LDB2: variants seen among roughly 807,000 people sequenced by gnomAD.
LDB2 encodes the protein LIM domain binding 2, also known as LIM domain-binding protein 2.
LDB2 carries 12 observed loss-of-function variants against 44.3 expected under a neutral mutation model. That is an observed-to-expected ratio of 0.27 (90% CI 0.17 to 0.44). The LOEUF is 0.44. Ranked by LOEUF, LDB2 falls within the 20% of genes least tolerant of loss-of-function variation. The pLI, the probability that LDB2 is intolerant of heterozygous loss-of-function variation, is 1.00. For synonymous variants in LDB2, 164 were observed against 174.8 expected (o/e 0.94, Z 0.49); for missense variants, 344 against 473.5 (o/e 0.73, Z 2.54).
At chr4:16,697,466 A>G (rs1560916708) in intron 2 of LDB2, among the ~76,000 whole-genome samples, 2 of 151,828 alleles carry the variant, frequency 1.3e-5, no homozygotes, top group Non-Finnish European at 2.9e-5. Context: ...CGTCCCAAAA[A>G]AAAAAACAAC....
chr4:16,596,077 A>G, intron 2 of LDB2, among the ~76,000 whole-genome samples: 1 of 152,164 alleles, frequency 6.6e-6, no homozygotes, highest in East Asian at 1.9e-4. Context: ...TTCAGGAAAA[A>G]TGCGTCCAGT....
chr4:16,817,261 T>A (rs1329275818), intron 1 of LDB2, among the ~76,000 whole-genome samples: 1 of 152,216 alleles, frequency 6.6e-6, no homozygotes, highest in African/African-American at 2.4e-5. Context: ...TCCTACTCTC[T>A]CCTGATAGAG....
chr4:16,652,305 G>A (rs766061765), intron 2 of LDB2, among the ~76,000 whole-genome samples: 1 of 152,026 alleles, frequency 6.6e-6, no homozygotes, highest in Non-Finnish European at 1.5e-5. Flanking sequence ...GGATACATAC[G>A]CAAAGCACAT....
intron 1 of LDB2, among the ~76,000 whole-genome samples, chr4:16,850,062 A>G (rs1009218342): frequency 1.3e-5 from 2 of 152,242 alleles, no homozygotes; most frequent in African/African-American, 4.8e-5. Context: ...GTGATATGCT[A>G]TAAACATCTT....
intron 1 of LDB2, among the ~76,000 whole-genome samples, chr4:16,831,224 C>A (rs1784034022): frequency 7.3e-6 from 1 of 137,074 alleles, no homozygotes; most frequent in Non-Finnish European, 1.5e-5. Flanking sequence ...TAAGGGAAGA[C>A]TGAACTTCTT....
intron 5 of LDB2, among the ~76,000 whole-genome samples, chr4:16,532,586 T>G (rs1730514920): frequency 6.6e-6 from 1 of 152,194 alleles, no homozygotes. Flanking sequence ...AGTCTTAGAG[T>G]CTGGTACTCT....
chr4:16,790,914 T>G (rs1579693575), intron 1 of LDB2, among the ~76,000 whole-genome samples: 1 of 151,676 alleles, frequency 6.6e-6, no homozygotes, highest in Non-Finnish European at 1.5e-5. Flanking sequence ...CAGTAGGCAA[T>G]CCAGGACTTA....
chr4:16,645,654 A>C (rs149602948), intron 2 of LDB2, among the ~76,000 whole-genome samples: 2,014 of 152,296 alleles, frequency 0.013, 24 homozygotes, highest in South Asian at 0.035. Context: ...AGAAATAAGC[A>C]ACAGGAGGTA....
At position 16,695,239 on chromosome 4, in the gene LDB2, T is replaced by G. The variant is rs561368531; in HGVS notation, c.235+63919A>C. 2.0e-5 allele frequency among the ~76,000 whole-genome samples: 3 copies of G among 152,126 alleles called. No homozygotes were observed. The South Asian group carries it at 6.2e-4, about 31-fold the overall frequency. Reference sequence around the variant, plus strand: ...CCAAATAGATGCAGGCCACAAAAAGTATAATTATTGCTCTAGGCGGGGCGC... The same window carrying G: ...CCAAATAGATGCAGGCCACAAAAAGGATAATTATTGCTCTAGGCGGGGCGC... On this transcript the variant is annotated intron_variant, in intron 2 of 7. Coordinates refer to ENST00000304523, the MANE Select transcript of LDB2 (RefSeq NM_001290.5).
intron 2 of LDB2, among the ~76,000 whole-genome samples, chr4:16,612,165 G>A (rs1358007872): frequency 6.6e-6 from 1 of 152,074 alleles, no homozygotes; most frequent in Non-Finnish European, 1.5e-5. Context: ...TTTGAAACCA[G>A]TGAGAACAAA....
intron 2 of LDB2, among the ~76,000 whole-genome samples, chr4:16,689,280 C>T (rs527666566): frequency 6.6e-6 from 1 of 152,300 alleles, no homozygotes; most frequent in East Asian, 1.9e-4. Flanking sequence ...TCCTCCGCTC[C>T]CCAATTTTCT....
At chr4:16,862,269 T>C (rs1006611902) in intron 1 of LDB2, among the ~76,000 whole-genome samples, 19 of 151,724 alleles carry the variant, frequency 1.3e-4, no homozygotes, top group African/African-American at 4.4e-4. Context: ...ATTTTTCTCC[T>C]AAATATTTGG....
intron 1 of LDB2, among the ~76,000 whole-genome samples, chr4:16,891,352 G>A (rs1265310964): frequency 8.5e-5 from 10 of 117,798 alleles, no homozygotes; most frequent in East Asian, 4.9e-4. Flanking sequence ...TCACTCTGTC[G>A]CCCAGGGTGG....
At chr4:16,725,906 G>GTA (rs972488349) in intron 2 of LDB2, among the ~76,000 whole-genome samples, 5 of 146,538 alleles carry the variant, frequency 3.4e-5, no homozygotes, top group Admixed American at 1.4e-4. Context: ...TATATATTAT[G>GTA]TATATATATG....
intron 1 of LDB2, among the ~76,000 whole-genome samples, chr4:16,897,914 A>ATATATATATATACACATATG (rs1725632278): frequency 6.2e-5 from 1 of 16,122 alleles, no homozygotes; most frequent in Non-Finnish European, 9.7e-5. Flanking sequence ...ATATATATAT[A>ATATATATATATACACATATG]TATATATATA....
At chr4:16,791,710 T>G (rs1296648331) in intron 1 of LDB2, among the ~76,000 whole-genome samples, 1 of 152,186 alleles carries the variant, frequency 6.6e-6, no homozygotes, top group South Asian at 2.1e-4. Context: ...TCAGGTAATT[T>G]GCTGTAGTAC....
rs184284989 is a variant in LDB2, at chr4:16,735,030, G to A, written c.235+24128C>T. Among the ~76,000 whole-genome samples, 10 of 152,218 alleles carry A rather than the reference G, an allele frequency of 6.6e-5. No individual in the cohort carries two copies. The East Asian group carries it at 1.9e-3, about 29-fold the overall frequency. On this transcript the variant is annotated intron_variant, in intron 2 of 7. Transcript: ENST00000304523. ...GGCCAGCTGCTTCCCATCTTCTAAG[G>A]GCTCGGGTTGTGAAATGCCATCACA...
At chr4:16,599,415 A>T (rs1721961349) in intron 2 of LDB2, among the ~76,000 whole-genome samples, 1 of 152,104 alleles carries the variant, frequency 6.6e-6, no homozygotes, top group Non-Finnish European at 1.5e-5. Context: ...GACTTTCAGG[A>T]TCCTTGTGAT....
chr4:16,740,736 A>T (rs1763086023), intron 2 of LDB2, among the ~76,000 whole-genome samples: 1 of 152,226 alleles, frequency 6.6e-6, no homozygotes, highest in South Asian at 2.1e-4. Context: ...AGTGACAATT[A>T]TTCTGTCTGC....
Sources: gnomAD v4.1 joint callset for allele counts (sites outside exome capture counted in the v4.1 genomes callset) on GRCh38, gnomAD v4.1.1 for gene constraint, MANE v1.5 for transcripts, NCBI Gene and HGNC (gene_info 2026-07-23, HGNC 2026-07-21) for gene names.